Variants in SLC22A16 observed in about 807,000 individuals in gnomAD.
SLC22A16 encodes the protein solute carrier family 22 member 16, also known as WUGSC:RG331P03.1.
SLC22A16 carries 53 observed loss-of-function variants against 52.9 expected under a neutral mutation model. The ratio of observed to expected loss-of-function variants is 1.00; its 90% CI spans 0.80 to 1.26. The LOEUF is 1.26. SLC22A16 is among the 50% of genes most tolerant of loss of function. SLC22A16 has a pLI of 0.00. For synonymous variants in SLC22A16, 291 were observed against 268.8 expected, an observed-to-expected ratio of 1.08 and a Z score of -0.81; for missense variants, 726 against 704.0, an observed-to-expected ratio of 1.03 and a Z score of -0.35.
At chr6:110,463,531 A>AAAAAAAAAAAAAAAAAAT in intron 1 of SLC22A16, among the ~76,000 whole-genome samples, 2 of 150,338 alleles carry the variant, frequency 1.3e-5, no homozygotes, top group African/African-American at 2.4e-5. Flanking sequence ...AAAAAAAAAA[A>AAAAAAAAAAAAAAAAAAT]AAAAAGACAA....
rs368955884 is a variant in SLC22A16, at chr6:110,431,217, G to A, written c.1475C>T (p.Ala492Val). The change falls in exon 7 of 8, where the codon GCG becomes GTG. Residue 492 changes from alanine (A) to valine (V), a missense_variant. Coordinates refer to ENST00000368919, the MANE Select transcript of SLC22A16 (RefSeq NM_033125.4). ...GCTGCTGAGGTCCACAGAGAACGGC[G>A]CCAGGATGCTGGCCAGGCGACACAC... ...SMVCRLASIL[A>V]PFSVDLSSIW... 28 of 1,613,692 alleles carry A rather than the reference G, an allele frequency of 1.7e-5. No homozygotes were observed. The African/African-American group carries it at 2.1e-4, about 12-fold the overall frequency.
rs1775671400 is a variant in SLC22A16 at position 110,456,723 on chromosome 6, G to A, written c.348C>T (p.Tyr116=). 1.2e-6 allele frequency: 2 copies of A among 1,614,116 alleles called. No homozygotes were observed. The highest frequency in any genetic ancestry group is 1.6e-4 in the Middle Eastern group (1 of 6,062). Reference sequence around the variant, plus strand: ...AAGGAAACTCTTTCTTACTGCCAGTGTATTCATAGCCCAAACTCGATGTGT... The same window carrying A: ...AAGGAAACTCTTTCTTACTGCCAGTATATTCATAGCCCAAACTCGATGTGT... ...RENTSSLGYE[Y]TGSKKEFPCV... Residue 116 remains tyrosine (Y), a synonymous_variant, in exon 2 of 8, where the codon TAC becomes TAT. Coordinates refer to ENST00000368919, the MANE Select transcript of SLC22A16 (RefSeq NM_033125.4).
intron 6 of SLC22A16, among the ~76,000 whole-genome samples, chr6:110,431,545 G>A (rs558483508): frequency 3.3e-5 from 5 of 152,294 alleles, no homozygotes; most frequent in African/African-American, 1.2e-4. Context: ...ATGCTGTGGA[G>A]GGTCACAGCC....
chr6:110,451,427 A>T (rs553675407), intron 2 of SLC22A16, among the ~76,000 whole-genome samples: 26 of 152,310 alleles, frequency 1.7e-4, no homozygotes, highest in African/African-American at 6.3e-4. Flanking sequence ...CACCAGCAGG[A>T]TGAGAGATCC....
At chr6:110,445,249 T>G (rs1775125068) in intron 3 of SLC22A16, among the ~76,000 whole-genome samples, 1 of 152,100 alleles carries the variant, frequency 6.6e-6, no homozygotes, top group African/African-American at 2.4e-5. Context: ...ATTCCGGCTT[T>G]TCTTTCTCAT....
intron 2 of SLC22A16, among the ~76,000 whole-genome samples, chr6:110,454,263 C>T (rs981275322): frequency 6.6e-6 from 1 of 152,100 alleles, no homozygotes; most frequent in African/African-American, 2.4e-5. Flanking sequence ...CATCTTGGCA[C>T]ATCCAGCAAG....
chr6:110,465,002 T>G (rs1349663559), intron 1 of SLC22A16, among the ~76,000 whole-genome samples: 1 of 151,874 alleles, frequency 6.6e-6, no homozygotes, highest in Non-Finnish European at 1.5e-5. Context: ...AGTCAATTAA[T>G]GTCATTCACC....
chr6:110,464,687 G>C (rs949053422), intron 1 of SLC22A16, among the ~76,000 whole-genome samples: 1 of 151,968 alleles, frequency 6.6e-6, no homozygotes, highest in South Asian at 2.1e-4. Flanking sequence ...GGACCAGACG[G>C]ATTCACAGTT....
At chr6:110,442,924 A>C (rs762858425) in intron 3 of SLC22A16, 149 bp from the exon 4 acceptor site, 104 of 719,998 alleles carry the variant, frequency 1.4e-4, no homozygotes, top group Non-Finnish European at 1.8e-4. Context: ...AATGACATTC[A>C]ATCCGATCTA....
chr6:110,437,590 T>C (rs1774785738), intron 5 of SLC22A16, among the ~76,000 whole-genome samples: 2 of 152,232 alleles, frequency 1.3e-5, no homozygotes, highest in African/African-American at 4.8e-5. Context: ...TAAATTAAAT[T>C]TCAAACGATA....
chr6:110,467,545 G>C (rs1776112969), intron 1 of SLC22A16, among the ~76,000 whole-genome samples: 1 of 152,236 alleles, frequency 6.6e-6, no homozygotes, highest in Admixed American at 6.5e-5. Context: ...GTGTAGTGCA[G>C]TGGCTATAGA....
Position 110,440,543 on chromosome 6 carries a change from C to T in SLC22A16, c.1184-1696G>A, listed in dbSNP as rs1170372235. Among the ~76,000 whole-genome samples, 19 of 152,170 alleles carry T rather than the reference C, an allele frequency of 1.2e-4. 1 individual carries two copies. The highest frequency in any genetic ancestry group is 1.2e-3 in the Admixed American group (19 of 15,278). ...CTGTAATCCCAGCACTCTGGGAGGCCAAGGCGGGTGGATCACCTGAGGTCA... is the reference window on the plus strand; with the variant it reads ...CTGTAATCCCAGCACTCTGGGAGGCTAAGGCGGGTGGATCACCTGAGGTCA... On this transcript the variant is annotated intron_variant, in intron 4 of 7. Coordinates refer to ENST00000368919, the MANE Select transcript of SLC22A16 (RefSeq NM_033125.4).
Position 110,456,704 on chromosome 6 carries a change from A to T in SLC22A16, c.367T>A (p.Phe123Ile). 6.2e-7 allele frequency: 1 copy of T among 1,613,774 alleles called. No homozygotes were observed. Among genetic ancestry groups the T allele is most frequent in the Non-Finnish European group, 8.5e-7 (1 of 1,179,952 alleles). ...GYEYTGSKKE[F>I]PCVDGYIYDQ... ...TATATGTAGCCATCCACACAAGGAA[A>T]CTCTTTCTTACTGCCAGTGTATTCA... is the stretch of plus-strand genomic sequence containing the variant. Residue 123 changes from phenylalanine (F) to isoleucine (I), a missense_variant, in exon 2 of 8, where the codon TTT becomes ATT. By Grantham distance (21) the Phe-to-Ile change is conservative (BLOSUM62 0). Transcript: ENST00000368919.
chr6:110,435,292 G>T (rs1245522716), intron 6 of SLC22A16, among the ~76,000 whole-genome samples: 1 of 152,118 alleles, frequency 6.6e-6, no homozygotes, highest in Non-Finnish European at 1.5e-5. Context: ...ATCCAATATG[G>T]CTGGTGTCTT....
intron 3 of SLC22A16, among the ~76,000 whole-genome samples, chr6:110,445,200 C>T (rs932250982): frequency 6.6e-6 from 1 of 152,142 alleles, no homozygotes. Context: ...ATCCCTTCAG[C>T]CTCATCAATG....
intron 7 of SLC22A16, among the ~76,000 whole-genome samples, chr6:110,428,443 C>T (rs1054467059): frequency 1.3e-5 from 2 of 152,160 alleles, no homozygotes; most frequent in Non-Finnish European, 2.9e-5. Flanking sequence ...TTTGTTGGAC[C>T]TTGTGTAAAA....
intron 6 of SLC22A16, among the ~76,000 whole-genome samples, chr6:110,432,365 A>T (rs1487424142): frequency 2.6e-5 from 4 of 152,348 alleles, no homozygotes; most frequent in African/African-American, 4.8e-5. Flanking sequence ...AAAAGATCTT[A>T]AAAAATACTA....
intron 1 of SLC22A16, among the ~76,000 whole-genome samples, chr6:110,462,587 A>C (rs1264854320): frequency 6.6e-6 from 1 of 152,204 alleles, no homozygotes; most frequent in Admixed American, 6.5e-5. Context: ...ATAAAGAAAA[A>C]AGAATTTTTT....
At chr6:110,437,540 TAAGTA>T (rs1472162539) in intron 5 of SLC22A16, among the ~76,000 whole-genome samples, 5 of 152,352 alleles carry the variant, frequency 3.3e-5, no homozygotes, top group Non-Finnish European at 2.9e-5. Flanking sequence ...TCCTAAGCAT[TAAGTA>T]AAGTGCTACT....
Sources: gnomAD v4.1 joint callset for allele counts (sites outside exome capture counted in the v4.1 genomes callset) on GRCh38, gnomAD v4.1.1 for gene constraint, MANE v1.5 for transcripts, NCBI Gene and HGNC (gene_info 2026-07-23, HGNC 2026-07-21) for gene names.